The following KRT8 variants were observed in gnomAD, a reference collection of about 807,000 sequenced individuals.
KRT8 encodes keratin, type II cytoskeletal 8.
Under a neutral mutation model 43.0 loss-of-function variants are expected in KRT8, and 24 were observed. That is an observed-to-expected ratio of 0.56 (90% CI 0.40 to 0.78). KRT8 has a LOEUF of 0.78. KRT8 is among the 30% of genes least tolerant of loss of function. The pLI is 0.00. For missense variants in KRT8, 492 were observed against 638.4 expected (o/e 0.77, Z 2.47); for synonymous variants, 214 against 261.2 (o/e 0.82, Z 1.74).
chr12:52,917,493 A>C (rs892132195), intron 2 of KRT8, among the ~76,000 whole-genome samples: 10 of 151,872 alleles, frequency 6.6e-5, no homozygotes, highest in Admixed American at 3.9e-4. Context: ...GGATCATCTG[A>C]GGTCAGGAGT....
chr12:52,949,691 C>A (rs775448872), intron 1 of KRT8: 11 of 1,072,400 alleles, frequency 1.0e-5, no homozygotes, highest in Non-Finnish European at 1.6e-5. Flanking sequence ...AACCCCTACT[C>A]CACCGGGAGG....
intron 2 of KRT8, among the ~76,000 whole-genome samples, chr12:52,941,243 T>C (rs1942263356): frequency 6.6e-6 from 1 of 151,400 alleles, no homozygotes. Flanking sequence ...TAAATCTAAA[T>C]GTTTTAAAAC....
intron 1 of KRT8, among the ~76,000 whole-genome samples, chr12:52,902,599 A>T (rs1382463403): frequency 6.6e-6 from 1 of 152,092 alleles, no homozygotes; most frequent in African/African-American, 2.4e-5. Context: ...CGTCTTAGGC[A>T]GGATGGTCTC....
At chr12:52,943,621 C>T (rs1592189207) in intron 2 of KRT8, among the ~76,000 whole-genome samples, 2 of 152,214 alleles carry the variant, frequency 1.3e-5, no homozygotes, top group South Asian at 2.1e-4. Flanking sequence ...GCCCGTTGCA[C>T]GTGGCCGTGC....
upstream of KRT8, among the ~76,000 whole-genome samples, chr12:52,911,359 A>G (rs1294473021): frequency 6.6e-6 from 1 of 151,918 alleles, no homozygotes; most frequent in Non-Finnish European, 1.5e-5. Context: ...CTCAAAAAAA[A>G]AAGAAAAGTG....
At chr12:52,903,485 G>C (rs1941426536) in intron 1 of KRT8, 1 of 152,220 alleles carries the variant, frequency 6.6e-6, no homozygotes, top group African/African-American at 2.4e-5. Flanking sequence ...GGTTCCTCCC[G>C]GCTTACTCTG....
intron 3 of KRT8, 136 bp from the exon 4 acceptor site, chr12:52,900,819 C>A (rs1400611471): frequency 4.3e-6 from 3 of 697,498 alleles, no homozygotes; most frequent in Non-Finnish European, 7.8e-6. Context: ...TCCAGCCCAG[C>A]CTCTGCCCAT....
intron 2 of KRT8, among the ~76,000 whole-genome samples, chr12:52,938,410 G>C (rs971067491): frequency 6.6e-6 from 1 of 151,286 alleles, no homozygotes; most frequent in South Asian, 2.1e-4. Context: ...CAAGTGATCC[G>C]TTTGCCTCGG....
At chr12:52,905,149 G>A, upstream of KRT8, 1 of 1,339,212 alleles carries the variant, frequency 7.5e-7, no homozygotes, top group Non-Finnish European at 9.9e-7. Context: ...GCTAGGCCCA[G>A]AGGGGGCTGG....
intron 2 of KRT8, among the ~76,000 whole-genome samples, chr12:52,917,874 A>C (rs538320659): frequency 6.6e-6 from 1 of 151,166 alleles, no homozygotes; most frequent in Admixed American, 6.7e-5. Flanking sequence ...GCAAGACTTC[A>C]TCTCAAAAGA....
chr12:52,906,032 G>A (rs970999753), upstream of KRT8, among the ~76,000 whole-genome samples: 1 of 152,196 alleles, frequency 6.6e-6, no homozygotes, highest in African/African-American at 2.4e-5. Context: ...AGTGAGCTGA[G>A]ATCGTGCCAC....
In KRT8 at chr12:52,918,099, GGAAGAA is replaced by G. The variant is rs200659475; in HGVS notation, c.-46-13078_-46-13073del. ...GAGGAGGAGGAGGAGAAGAAGAAGA[GGAAGAA>G]GAAGAAGAAGAAGAGGAAGAAGAAG... On this transcript the variant is annotated intron_variant, in intron 2 of 6. Transcript: ENST00000546826. 1.8e-4 allele frequency among the ~76,000 whole-genome samples: 21 copies of G among 119,132 alleles called. 1 individual carries two copies. The highest frequency in any genetic ancestry group is 7.9e-4 in the Admixed American group (8 of 10,172). 78.2% of individuals were successfully genotyped at this position (119,132 alleles called of 152,430 possible).
intron 2 of KRT8, among the ~76,000 whole-genome samples, chr12:52,935,529 T>TAA (rs376953061): frequency 4.4e-4 from 57 of 129,454 alleles, no homozygotes; most frequent in Middle Eastern, 3.8e-3. Flanking sequence ...TGTCTCTACT[T>TAA]AAAAAAAAAA....
chr12:52,944,796 G>A lies in KRT8; in HGVS notation c.-47+4660C>T, dbSNP rs543545833. Among the ~76,000 whole-genome samples, 4 of 152,312 alleles carry A rather than the reference G, an allele frequency of 2.6e-5. No individual in the cohort carries two copies. In the East Asian group the frequency reaches 7.7e-4, roughly 29 times the overall value. On this transcript the variant is annotated intron_variant, in intron 2 of 6. Coordinates refer to the KRT8 transcript ENST00000546826. Reference sequence around the variant, plus strand: ...CCTCGACTCTCCCACCCCTGGGGAAGAGGGCCTGGCCCAAGCCCTGAGAAC... The same window carrying A: ...CCTCGACTCTCCCACCCCTGGGGAAAAGGGCCTGGCCCAAGCCCTGAGAAC...
At chr12:52,941,977 G>C (rs1942275962) in intron 2 of KRT8, among the ~76,000 whole-genome samples, 1 of 152,096 alleles carries the variant, frequency 6.6e-6, no homozygotes, top group Non-Finnish European at 1.5e-5. Context: ...ATGAATTAAT[G>C]AATTCTTCCT....
At chr12:52,906,991 TACACACACACAC>T (rs112479898), upstream of KRT8, 2 of 286,210 alleles carry the variant, frequency 7.0e-6, no homozygotes, top group Admixed American at 4.7e-5. Context: ...CACGCGTGCA[TACACACACACAC>T]ACACACACAC....
At position 52,897,527 on chromosome 12, in the gene KRT8, G is replaced by T. The variant is rs760097587; in HGVS notation, c.1353C>A (p.Ser451=). 4.4e-6 allele frequency: 7 copies of T among 1,598,626 alleles called. No individual in the cohort carries two copies. The South Asian group carries it at 7.7e-5, about 18-fold the overall frequency. Residue 451 remains serine (S), a synonymous_variant, in exon 8 of 8, where the codon TCC becomes TCA. Transcript: ENST00000692008. ...CCCTGGAGGAGCTGGTGCGGCTGAAGGAGCTGGAGCCCGCGCCAGAGCCAA... is the reference window on the plus strand; with the variant it reads ...CCCTGGAGGAGCTGGTGCGGCTGAATGAGCTGGAGCCCGCGCCAGAGCCAA...
At chr12:52,902,296 G>A in intron 1 of KRT8, 1 of 578,528 alleles carries the variant, frequency 1.7e-6, no homozygotes, top group South Asian at 2.0e-5. Context: ...GTAGGGGAAG[G>A]AGACAGGTAA....
chr12:52,904,781 C>T (rs760739525), exon 1 of KRT8: 8 of 1,612,356 alleles, frequency 5.0e-6, no homozygotes, highest in Admixed American at 1.7e-5. Flanking sequence ...TCTGGTTGAC[C>T]GTAACTGCGG....
Sources: allele counts gnomAD v4.1 joint callset (sites outside exome capture counted in the v4.1 genomes callset), GRCh38; gene constraint gnomAD v4.1.1; transcripts MANE v1.5; gene names NCBI Gene and HGNC (gene_info 2026-07-23, HGNC 2026-07-21).